The following NME2 variants were observed in gnomAD, a reference collection of about 807,000 sequenced individuals.
NME2 encodes NME/NM23 nucleoside diphosphate kinase 2, also known as nucleoside diphosphate kinase B.
In NME2, 18 loss-of-function variants were observed where a neutral mutation model predicts 17.8. The observed-to-expected ratio is 1.01, with a 90% confidence interval of 0.70 to 1.50. The LOEUF is 1.50. NME2 is among the 40% of genes most tolerant of loss of function. The pLI is 0.00. For synonymous variants in NME2, 74 were observed against 71.4 expected, an observed-to-expected ratio of 1.04 and a Z score of -0.19; for missense variants, 161 against 195.6, an observed-to-expected ratio of 0.82 and a Z score of 1.05.
intron 4 of NME2, 148 bp downstream of exon 4, chr17:51,170,197 A>G (rs538141500): frequency 3.2e-6 from 2 of 623,580 alleles, no homozygotes; most frequent in Non-Finnish European, 5.1e-6. Flanking sequence ...GCTGGAGTGC[A>G]GTGGTGCCAT....
At chr17:51,167,003 T>TGTTTTTCCCTCCCGGCGGCG in intron 2 of NME2, 47 bp downstream of exon 2, 1 of 1,609,024 alleles carries the variant, frequency 6.2e-7, no homozygotes, top group Non-Finnish European at 8.5e-7. Context: ...GGCTCGCGGG[T>TGTTTTTCCCTCCCGGCGGCG]GTTTTTCCCT....
At chr17:51,169,833 A>T in intron 3 of NME2, 104 bp from the exon 4 acceptor site, 1 of 1,001,940 alleles carries the variant, frequency 1.0e-6, no homozygotes, top group Non-Finnish European at 1.5e-6. Context: ...TAATCATGTC[A>T]CTGATCGGTC....
chr17:51,168,301 T>C lies in NME2; in HGVS notation c.186T>C (p.Pro62=), dbSNP rs376612412. 5.0e-6 allele frequency: 8 copies of C among 1,613,922 alleles called. No homozygotes were observed. The highest frequency in any genetic ancestry group is 4.4e-5 in the South Asian group (4 of 91,086). The part of the protein sequence containing the change: ...YIDLKDRPFF[P]GLVKYMNSGP... Reference sequence around the variant, plus strand: ...ACCTGAAAGACCGACCATTCTTCCCTGGGCTGGTGAAGTACATGAACTCAG... The same window carrying C: ...ACCTGAAAGACCGACCATTCTTCCCCGGGCTGGTGAAGTACATGAACTCAG... Residue 62 remains proline, a synonymous_variant, in exon 3 of 5, where the codon CCT becomes CCC. Coordinates refer to ENST00000512737, the MANE Select transcript of NME2 (RefSeq NM_002512.4).
At chr17:51,166,115 CTGTG>C (rs34942810), upstream of NME2, among the ~76,000 whole-genome samples, 3,362 of 148,894 alleles carry the variant, frequency 0.023, 116 homozygotes, top group African/African-American at 0.072. Context: ...GGAGCAGGTT[CTGTG>C]TGTGTGTGTG....
At chr17:51,167,744 T>C (rs2049978728) in intron 2 of NME2, among the ~76,000 whole-genome samples, 2 of 152,128 alleles carry the variant, frequency 1.3e-5, no homozygotes, top group Admixed American at 1.3e-4. Context: ...CCCAGCAATT[T>C]GGGAGGCCGA....
chr17:51,168,445 C>A, intron 3 of NME2, 102 bp downstream of exon 3: 1 of 1,254,110 alleles, frequency 8.0e-7, no homozygotes, highest in Non-Finnish European at 1.1e-6. Flanking sequence ...ATGAATGGAA[C>A]CTGCTGAAGT....
At chr17:51,168,960 C>A (rs747026027) in intron 3 of NME2, among the ~76,000 whole-genome samples, 82 of 150,818 alleles carry the variant, frequency 5.4e-4, no homozygotes, top group Non-Finnish European at 1.0e-3. Context: ...GACTCCATCT[C>A]AAAAAAAAAT....
chr17:51,168,977 C>T (rs1162209411), intron 3 of NME2, among the ~76,000 whole-genome samples: 1 of 150,756 alleles, frequency 6.6e-6, no homozygotes, highest in African/African-American at 2.4e-5. Context: ...AAATAATACT[C>T]AATTTCTTCT....
At chr17:51,167,610 C>T (rs942382237) in intron 2 of NME2, among the ~76,000 whole-genome samples, 1 of 151,660 alleles carries the variant, frequency 6.6e-6, no homozygotes, top group South Asian at 2.1e-4. Flanking sequence ...AATTTAATTC[C>T]CTAAATCTAG....
In NME2 at chr17:51,171,491, A is replaced by G. The variant is rs1440561057; in HGVS notation, c.346A>G (p.Ile116Val). The G allele has an allele frequency of 2.5e-6, 4 of 1,613,486 alleles. No individual in the cohort carries two copies. The East Asian group carries it at 8.9e-5, about 36-fold the overall frequency. The change falls in exon 5 of 5, where the codon ATC becomes GTC. Residue 116 changes from isoleucine to valine, a missense_variant. Transcript: ENST00000512737. The stretch of plus-strand genomic sequence containing the variant: ...TGTAATTGTTTTCTTTCTTAGGAAC[A>G]TCATTCATGGCAGTGATTCAGTAAA... The part of the protein sequence containing the change: ...GDFCIQVGRN[I>V]IHGSDSVKSA...
At chr17:51,167,383 T>C (rs2049969774) in intron 2 of NME2, 1 of 231,802 alleles carries the variant, frequency 4.3e-6, no homozygotes, top group African/African-American at 2.4e-5. Flanking sequence ...CATAGGGTAG[T>C]GAGTGTATTT....
At chr17:51,166,084 G>A (rs1344444511), upstream of NME2, among the ~76,000 whole-genome samples, 1 of 151,116 alleles carries the variant, frequency 6.6e-6, no homozygotes, top group South Asian at 2.1e-4. Context: ...GGCCTTGACC[G>A]GGGTAGAGAA....
chr17:51,166,754 C>A, intron 1 of NME2, 73 bp from the exon 2 acceptor site: 1 of 1,432,404 alleles, frequency 7.0e-7, no homozygotes. Flanking sequence ...GAGGGACCGG[C>A]GGCGCCCACG....
chr17:51,171,584 C>T lies in NME2; in HGVS notation c.439C>T (p.His147Tyr), dbSNP rs1190810420. The stretch of plus-strand genomic sequence containing the variant: ...ACTGGTTGACTACAAGTCTTGTGCT[C>T]ATGACTGGGTCTATGAATAAGAGGT... ...EELVDYKSCA[H>Y]DWVYE The change falls in exon 5 of 5, where the codon CAT becomes TAT. Residue 147 changes from histidine (H) to tyrosine (Y), a missense_variant. Physicochemically the swap from His to Tyr is moderately conservative, Grantham distance 83. Transcript: ENST00000512737. The T allele has an allele frequency of 1.2e-6, 2 of 1,613,728 alleles. No individual in the cohort carries two copies. Among genetic ancestry groups the T allele is most frequent in the Middle Eastern group, 1.7e-4 (1 of 6,056 alleles).
At chr17:51,170,413 T>A (rs2050047060) in intron 4 of NME2, among the ~76,000 whole-genome samples, 1 of 151,976 alleles carries the variant, frequency 6.6e-6, no homozygotes, top group Non-Finnish European at 1.5e-5. Flanking sequence ...GTGCTGGGAT[T>A]ACAGACATGA....
At position 51,166,975 on chromosome 17, in the gene NME2, C is replaced by T; in HGVS notation, c.126+19C>T. The T allele has an allele frequency of 6.2e-7, 1 of 1,611,574 alleles. No homozygotes were observed. Among genetic ancestry groups the T allele is most frequent in the Non-Finnish European group, 8.5e-7 (1 of 1,178,976 alleles). ...CCTCCGGGTAACTCGCCCCCGTCTC[C>T]CCTTCCCCGCTGCAGCCGGCTCGCG... is the stretch of plus-strand genomic sequence containing the variant. On this transcript the variant is annotated intron_variant, in intron 2 of 4. Coordinates refer to ENST00000512737, the MANE Select transcript of NME2 (RefSeq NM_002512.4).
chr17:51,165,925 G>T (rs1462814681), upstream of NME2: 1 of 152,308 alleles, frequency 6.6e-6, no homozygotes, highest in Non-Finnish European at 1.5e-5. Context: ...GGCCCCTTGG[G>T]AGGCCGAGGC....
chr17:51,171,223 C>A (rs1023668273), intron 4 of NME2, among the ~76,000 whole-genome samples: 1 of 152,092 alleles, frequency 6.6e-6, no homozygotes, highest in East Asian at 1.9e-4. Context: ...TTTATGTCTT[C>A]GGCAATCTTG....
chr17:51,168,476 A>G (rs1033618908), intron 3 of NME2, 133 bp downstream of exon 3: 2 of 880,420 alleles, frequency 2.3e-6, no homozygotes, highest in Non-Finnish European at 3.4e-6. Flanking sequence ...AGCAACTAGG[A>G]GCTTGGGAGG....
Sources: gnomAD v4.1 joint callset for allele counts (sites outside exome capture counted in the v4.1 genomes callset) on GRCh38, gnomAD v4.1.1 for gene constraint, MANE v1.5 for transcripts, NCBI Gene and HGNC (gene_info 2026-07-23, HGNC 2026-07-21) for gene names.